Variants in PLAG1 observed in about 807,000 individuals in gnomAD.
PLAG1 encodes PLAG1 zinc finger.
PLAG1 carries 7 observed loss-of-function variants against 35.5 expected under a neutral mutation model. That is an observed-to-expected ratio of 0.20 (90% CI 0.11 to 0.37). The LOEUF (loss-of-function observed/expected upper bound fraction) is 0.37. Among genes scored for constraint, PLAG1 ranks in the 10% least tolerant of loss-of-function variants. The pLI is 1.00. For synonymous variants in PLAG1, 229 were observed against 225.4 expected (o/e 1.02, Z -0.14); for missense variants, 454 against 602.8 (o/e 0.75, Z 2.58).
At chr8:56,198,748 GTC>G (rs1812458244) in intron 1 of PLAG1, among the ~76,000 whole-genome samples, 1 of 152,078 alleles carries the variant, frequency 6.6e-6, no homozygotes, top group Non-Finnish European at 1.5e-5. Context: ...CCTGATCACT[GTC>G]TCTTAGGGTC....
At chr8:56,172,636 A>T (rs995912019) in intron 2 of PLAG1, among the ~76,000 whole-genome samples, 1 of 152,138 alleles carries the variant, frequency 6.6e-6, no homozygotes, top group African/African-American at 2.4e-5. Context: ...GTTTACCATC[A>T]TTGCCATTTT....
In PLAG1 at chr8:56,161,627, T is replaced by A; in HGVS notation, c.*4616A>T. The A allele has an allele frequency of 1.3e-5, 3 of 228,208 alleles. No individual in the cohort carries two copies. The East Asian group carries it at 1.9e-4, about 14-fold the overall frequency. 14.1% of individuals were successfully genotyped at this position (228,208 alleles called of 1,614,324 possible). On this transcript the variant is annotated 3_prime_UTR_variant, in exon 5 of 5. Transcript: ENST00000316981. ...CGAGATCTCCTTTTGCAAGTGCACATGAATACATTGTGGTGGTGTAAAAGT... is the reference window on the plus strand; with the variant it reads ...CGAGATCTCCTTTTGCAAGTGCACAAGAATACATTGTGGTGGTGTAAAAGT...
chr8:56,168,960 T>C (rs1158665420), intron 3 of PLAG1, among the ~76,000 whole-genome samples: 1 of 152,260 alleles, frequency 6.6e-6, no homozygotes, highest in African/African-American at 2.4e-5. Flanking sequence ...TGATGCATTA[T>C]ACCAGTGTCA....
chr8:56,176,111 GC>G (rs1413088696), intron 2 of PLAG1, among the ~76,000 whole-genome samples: 1 of 148,344 alleles, frequency 6.7e-6, no homozygotes, highest in Non-Finnish European at 1.5e-5. Flanking sequence ...GTACAGTGGT[GC>G]AATCTCGGCT....
chr8:56,190,039 C>T (rs568991938), intron 1 of PLAG1, among the ~76,000 whole-genome samples: 2 of 152,284 alleles, frequency 1.3e-5, no homozygotes, highest in South Asian at 4.1e-4. Context: ...CACCTGGTGA[C>T]AGCAAGTCAA....
chr8:56,169,231 G>T (rs1164893493), intron 3 of PLAG1, among the ~76,000 whole-genome samples: 1 of 152,132 alleles, frequency 6.6e-6, no homozygotes, highest in Non-Finnish European at 1.5e-5. Context: ...GGACACACCT[G>T]CAACCTGTGT....
rs538848890 is a variant in PLAG1 at position 56,166,852 on chromosome 8, C to A, written c.894G>T (p.Met298Ile). 1 of 1,614,072 alleles carries A rather than the reference C, an allele frequency of 6.2e-7. No individual in the cohort carries two copies. Among genetic ancestry groups the A allele is most frequent in the East Asian group, 2.2e-5 (1 of 44,860 alleles). The change falls in exon 5 of 5, where the codon ATG becomes ATT. Residue 298 changes from methionine (M) to isoleucine (I), a missense_variant. Physicochemically the swap from Met to Ile is conservative, Grantham distance 10. Coordinates refer to ENST00000316981, the MANE Select transcript of PLAG1 (RefSeq NM_002655.3). The stretch of plus-strand genomic sequence containing the variant: ...TTTGGTGGGCAGATCCCGAGCTCTG[C>A]ATGGACTGAAATGGAGTGTTGTAGA... ...LNLYNTPFQS[M>I]QSSGSAHQMI... is the part of the protein sequence containing the mutation.
chr8:56,202,584 ATG>A (rs780644218), intron 1 of PLAG1, among the ~76,000 whole-genome samples: 2 of 152,240 alleles, frequency 1.3e-5, no homozygotes, highest in Non-Finnish European at 2.9e-5. Context: ...CAGCCTCTGA[ATG>A]TGATCAATTG....
chr8:56,198,213 C>G (rs1563392324), intron 1 of PLAG1, among the ~76,000 whole-genome samples: 1 of 152,230 alleles, frequency 6.6e-6, no homozygotes, highest in African/African-American at 2.4e-5. Flanking sequence ...GGGTGGAGGA[C>G]AGCACGTGGT....
intron 1 of PLAG1, among the ~76,000 whole-genome samples, chr8:56,202,771 A>G (rs961301647): frequency 6.6e-6 from 1 of 152,202 alleles, no homozygotes; most frequent in East Asian, 1.9e-4. Context: ...GTGCTCCTAG[A>G]TAGGAATTTA....
chr8:56,176,664 CTT>C (rs1168099429), intron 2 of PLAG1, among the ~76,000 whole-genome samples: 4 of 144,348 alleles, frequency 2.8e-5, no homozygotes, highest in South Asian at 4.4e-4. Context: ...ATTTCCTGTG[CTT>C]TTTTTTTTTT....
chr8:56,200,883 C>T (rs1295372434), intron 1 of PLAG1, among the ~76,000 whole-genome samples: 2 of 152,230 alleles, frequency 1.3e-5, no homozygotes, highest in Non-Finnish European at 2.9e-5. Flanking sequence ...TCTCTTTATA[C>T]ATTAACTCAT....
At chr8:56,176,908 T>C (rs1199007022) in intron 2 of PLAG1, among the ~76,000 whole-genome samples, 2 of 152,212 alleles carry the variant, frequency 1.3e-5, no homozygotes, top group Non-Finnish European at 2.9e-5. Flanking sequence ...CATTCATGTA[T>C]AGTAAATTGC....
At chr8:56,196,575 C>T (rs913855265) in intron 1 of PLAG1, among the ~76,000 whole-genome samples, 20 of 151,982 alleles carry the variant, frequency 1.3e-4, no homozygotes, top group Non-Finnish European at 1.6e-4. Context: ...TGTGAGGACA[C>T]GTCAGTCAGA....
At chr8:56,208,524 T>C (rs1216150335) in intron 1 of PLAG1, among the ~76,000 whole-genome samples, 1 of 152,190 alleles carries the variant, frequency 6.6e-6, no homozygotes, top group Non-Finnish European at 1.5e-5. Context: ...TAACATACAA[T>C]AGACTACAAA....
At chr8:56,197,276 G>C (rs1349640757) in intron 1 of PLAG1, among the ~76,000 whole-genome samples, 1 of 152,154 alleles carries the variant, frequency 6.6e-6, no homozygotes, top group Non-Finnish European at 1.5e-5. Context: ...CCGTGGGAGT[G>C]AGTGCGTCTC....
chr8:56,183,476 T>C (rs988402143), intron 1 of PLAG1, among the ~76,000 whole-genome samples: 4 of 152,110 alleles, frequency 2.6e-5, no homozygotes, highest in African/African-American at 9.7e-5. Context: ...GTGGGGAAAG[T>C]TACAATGTTA....
chr8:56,191,301 T>C (rs555896906), intron 1 of PLAG1, among the ~76,000 whole-genome samples: 2 of 152,190 alleles, frequency 1.3e-5, no homozygotes, highest in South Asian at 4.1e-4. Context: ...ATGTGAGACC[T>C]GAGCTAGAGA....
chr8:56,205,062 T>C, intron 1 of PLAG1, among the ~76,000 whole-genome samples: 1 of 151,910 alleles, frequency 6.6e-6, no homozygotes, highest in East Asian at 1.9e-4. Context: ...ATTAGGAGCT[T>C]TGTTGGTGAA....
Sources: gnomAD v4.1 joint callset for allele counts (sites outside exome capture counted in the v4.1 genomes callset) on GRCh38, gnomAD v4.1.1 for gene constraint, MANE v1.5 for transcripts, NCBI Gene and HGNC (gene_info 2026-07-23, HGNC 2026-07-21) for gene names.